BCL7C: variants seen among roughly 807,000 people sequenced by gnomAD.
The protein encoded by BCL7C is B-cell CLL/lymphoma 7 protein family member C.
Under a neutral mutation model 26.2 loss-of-function variants are expected in BCL7C, and 8 were observed. The ratio of observed to expected loss-of-function variants is 0.30; its 90% CI spans 0.18 to 0.55. The LOEUF (loss-of-function observed/expected upper bound fraction) is 0.55, where lower values mean the gene tolerates loss of function less well. Among genes scored for constraint, BCL7C ranks in the 20% least tolerant of loss-of-function variants. The pLI, the probability that BCL7C is intolerant of heterozygous loss-of-function variation, is 0.93. For missense variants in BCL7C, 262 were observed against 298.5 expected, an observed-to-expected ratio of 0.88 and a Z score of 0.90; for synonymous variants, 90 against 116.5, an observed-to-expected ratio of 0.77 and a Z score of 1.47.
exon 6 of BCL7C, chr16:30,835,012 G>C: frequency 6.5e-7 from 1 of 1,549,116 alleles, no homozygotes; most frequent in Non-Finnish European, 8.7e-7. Context: ...TCCCCCGGGA[G>C]CTCTGGTGTC....
At chr16:30,847,397 A>G (rs993171156) in intron 5 of BCL7C, among the ~76,000 whole-genome samples, 16 of 152,178 alleles carry the variant, frequency 1.1e-4, no homozygotes, top group African/African-American at 3.9e-4. Flanking sequence ...TCCTGTCTGA[A>G]AAGGCTGTGA....
intron 5 of BCL7C, among the ~76,000 whole-genome samples, chr16:30,842,955 T>G (rs2054611724): frequency 6.6e-6 from 1 of 152,206 alleles, no homozygotes; most frequent in Non-Finnish European, 1.5e-5. Flanking sequence ...CAAAATGGTT[T>G]TAACTGAAGT....
Position 30,893,331 on chromosome 16 carries a change from G to A in BCL7C, c.93-41C>T, listed in dbSNP as rs1333519140. ...GGGCTGGGTCAGAGAGGCCTGAGGG[G>A]AGACCCACCCCCCTAGGAGCTGGAC... is the stretch of plus-strand genomic sequence containing the variant. On this transcript the variant is annotated intron_variant, in intron 1 of 5. Coordinates refer to ENST00000215115, the MANE Select transcript of BCL7C (RefSeq NM_004765.4). The surrounding 1 kb of genome is among the most constrained non-coding windows in gnomAD (Gnocchi z 5.2). 2 of 1,551,948 alleles carry A rather than the reference G, an allele frequency of 1.3e-6. No individual in the cohort carries two copies. The highest frequency in any genetic ancestry group is 2.7e-5 in the African/African-American group (2 of 73,538).
intron 4 of BCL7C, 109 bp downstream of exon 4, chr16:30,892,477 T>G: frequency 8.6e-7 from 1 of 1,159,894 alleles, no homozygotes; most frequent in Non-Finnish European, 1.2e-6. Flanking sequence ...GAAGGCGCCT[T>G]GAGGAGGGTG....
intron 5 of BCL7C, among the ~76,000 whole-genome samples, chr16:30,857,529 C>T (rs562866162): frequency 6.6e-6 from 1 of 152,204 alleles, no homozygotes; most frequent in East Asian, 1.9e-4. Context: ...GGCTGCTAGG[C>T]TATTGGTTCT....
At chr16:30,874,490 G>GT (rs369274265) in intron 5 of BCL7C, among the ~76,000 whole-genome samples, 22 of 152,066 alleles carry the variant, frequency 1.4e-4, no homozygotes, top group African/African-American at 4.8e-4. Context: ...GGTGGCGCGT[G>GT]TTTGTAGTCC....
chr16:30,855,001 CCACT>C (rs2054707943), intron 5 of BCL7C, among the ~76,000 whole-genome samples: 2 of 151,982 alleles, frequency 1.3e-5, no homozygotes, highest in Admixed American at 6.6e-5. Flanking sequence ...CCCAACCTCA[CCACT>C]CACTTTTACG....
At chr16:30,880,836 C>G (rs1391215618) in intron 5 of BCL7C, among the ~76,000 whole-genome samples, 1 of 151,958 alleles carries the variant, frequency 6.6e-6, no homozygotes, top group African/African-American at 2.4e-5. Flanking sequence ...GTAGCTGGAA[C>G]TAAAGGTGTG....
At chr16:30,865,239 C>A (rs1441860694) in intron 5 of BCL7C, among the ~76,000 whole-genome samples, 2 of 151,544 alleles carry the variant, frequency 1.3e-5, no homozygotes, top group Non-Finnish European at 2.9e-5. Context: ...ACTTTGTATG[C>A]CTATTCCAAA....
chr16:30,854,084 G>A (rs2054699298), intron 5 of BCL7C, among the ~76,000 whole-genome samples: 1 of 152,092 alleles, frequency 6.6e-6, no homozygotes, highest in Non-Finnish European at 1.5e-5. Context: ...TTCCTCAGCT[G>A]CAGCAATCAC....
At chr16:30,859,976 C>T (rs1226547009) in intron 5 of BCL7C, among the ~76,000 whole-genome samples, 2 of 152,210 alleles carry the variant, frequency 1.3e-5, no homozygotes, top group South Asian at 4.1e-4. Context: ...ACCTTGGGTC[C>T]TCAGACCAAC....
At chr16:30,853,823 C>A (rs1038813563) in intron 5 of BCL7C, among the ~76,000 whole-genome samples, 3 of 152,158 alleles carry the variant, frequency 2.0e-5, no homozygotes, top group Non-Finnish European at 2.9e-5. Context: ...TACCTCTAGG[C>A]GCTCTACCAT....
chr16:30,866,191 A>G (rs2054826008), intron 5 of BCL7C, among the ~76,000 whole-genome samples: 1 of 152,174 alleles, frequency 6.6e-6, no homozygotes, highest in Non-Finnish European at 1.5e-5. Flanking sequence ...GTTGGCAAGC[A>G]TAATATTTTG....
In BCL7C at chr16:30,893,711, C is replaced by G. The variant is rs1007477945; in HGVS notation, c.92+142G>C. 1 of 705,568 alleles carries G rather than the reference C, an allele frequency of 1.4e-6. No individual in the cohort carries two copies. Among genetic ancestry groups the G allele is most frequent in the East Asian group, 2.9e-5 (1 of 34,116 alleles). The allele number at this position is 705,568 out of a possible 1,614,324, so 43.7% of individuals were successfully genotyped here. On this transcript the variant is annotated intron_variant, in intron 1 of 5. Transcript: ENST00000215115. This position sits in a 1 kb window ranked among gnomAD's most constrained non-coding sequence, Gnocchi z 5.2. ...CCAGGAGTAGCCAGGCGAACGGGGACAGAGCCCTGTGGATCCAGGGCAAAG... is the reference window on the plus strand; with the variant it reads ...CCAGGAGTAGCCAGGCGAACGGGGAGAGAGCCCTGTGGATCCAGGGCAAAG...
intron 5 of BCL7C, among the ~76,000 whole-genome samples, chr16:30,858,290 T>G (rs1298089983): frequency 1.3e-5 from 2 of 152,196 alleles, no homozygotes; most frequent in African/African-American, 4.8e-5. Context: ...GCTCCTTGAT[T>G]GAAGGAGATA....
rs1191328167 is a variant in BCL7C, at chr16:30,892,882, T to G, written c.238A>C (p.Ser80Arg). The G allele has an allele frequency of 6.2e-6, 10 of 1,612,822 alleles. No individual in the cohort carries two copies. The highest frequency in any genetic ancestry group is 1.3e-5 in the African/African-American group (1 of 74,922). Residue 80 changes from serine to arginine, a missense_variant, in exon 3 of 6, where the codon AGT becomes CGT. Ser to Arg is a moderately radical substitution (Grantham distance 110). Coordinates refer to ENST00000215115, the MANE Select transcript of BCL7C (RefSeq NM_004765.4). ...RGRERRGRGA[S>R]PRGGGPLILL... ...ATGAGAGGGCCACCCCCTCGGGGAC[T>G]GGCGCCCCTGCCCCGACGTTCCCGG...
At chr16:30,884,553 A>G (rs1452452584), downstream of BCL7C, among the ~76,000 whole-genome samples, 3 of 146,516 alleles carry the variant, frequency 2.0e-5, no homozygotes, top group East Asian at 2.0e-4. Context: ...CTGGAGTGCA[A>G]TGGCGTGATC....
At chr16:30,864,056 T>A (rs1243602284) in intron 5 of BCL7C, among the ~76,000 whole-genome samples, 1 of 152,320 alleles carries the variant, frequency 6.6e-6, no homozygotes, top group East Asian at 1.9e-4. Flanking sequence ...GACTCTCTCC[T>A]AGCCGTTTCT....
chr16:30,865,422 T>C (rs1162273355), intron 5 of BCL7C, among the ~76,000 whole-genome samples: 1 of 151,662 alleles, frequency 6.6e-6, no homozygotes, highest in Non-Finnish European at 1.5e-5. Context: ...AAAAATTTTT[T>C]TGAAAATTAG....
Sources: gnomAD v4.1 joint callset for allele counts (sites outside exome capture counted in the v4.1 genomes callset) on GRCh38, gnomAD v4.1.1 for gene constraint, Gnocchi (gnomAD v3.1) non-coding constraint, MANE v1.5 for transcripts, NCBI Gene and HGNC (gene_info 2026-07-23, HGNC 2026-07-21) for gene names.